CLPB: variants seen among roughly 807,000 people sequenced by gnomAD.
CLPB encodes ClpB family mitochondrial disaggregase, also known as mitochondrial disaggregase.
Under a neutral mutation model 78.4 loss-of-function variants are expected in CLPB, and 40 were observed. The ratio of observed to expected loss-of-function variants is 0.51; its 90% CI spans 0.40 to 0.66. The LOEUF (loss-of-function observed/expected upper bound fraction) is 0.66. Ranked by LOEUF, CLPB falls within the 30% of genes least tolerant of loss-of-function variation. The pLI, the probability that CLPB is intolerant of heterozygous loss-of-function variation, is 0.00. For missense variants in CLPB, 780 were observed against 886.9 expected, an observed-to-expected ratio of 0.88 and a Z score of 1.53; for synonymous variants, 333 against 348.0, an observed-to-expected ratio of 0.96 and a Z score of 0.48.
intron 2 of CLPB, among the ~76,000 whole-genome samples, chr11:72,408,471 T>C (rs1333297107): frequency 2.0e-5 from 3 of 151,816 alleles, no homozygotes; most frequent in Non-Finnish European, 4.4e-5. Flanking sequence ...ATCAAGACCA[T>C]CCTGGCTGAC....
intron 2 of CLPB, chr11:72,411,780 AATGACGC>A (rs1476906085): frequency 6.6e-6 from 1 of 152,198 alleles, no homozygotes; most frequent in African/African-American, 2.4e-5. Flanking sequence ...ACTGAACTTC[AATGACGC>A]ATTGTTCCAA....
At chr11:72,337,183 GGGAATAGAGCTCT>G (rs1950337536) in intron 5 of CLPB, 1 of 398,646 alleles carries the variant, frequency 2.5e-6, no homozygotes, top group African/African-American at 2.1e-5. Context: ...CAGAAGAACT[GGGAATAGAGCTCT>G]GGTCTTCTGA....
Position 72,379,589 on chromosome 11 carries a change from T to A in CLPB, c.646+692A>T, listed in dbSNP as rs553708981. ...TTGGACATTCAATCCCCAAGACTCA[T>A]CCCAGAGCCTCTTCATTCTGAAGTT... is the stretch of plus-strand genomic sequence containing the variant. On this transcript the variant is annotated intron_variant, in intron 4 of 15. Coordinates refer to ENST00000538039, the MANE Select transcript of CLPB (RefSeq NM_001258392.3). Among the ~76,000 whole-genome samples the A allele has an allele frequency of 2.0e-5, 3 of 152,170 alleles. No homozygotes were observed. In the South Asian group the frequency reaches 6.2e-4, roughly 32 times the overall value.
In CLPB at chr11:72,295,504, C is replaced by A. The variant is rs145040658; in HGVS notation, c.1474G>T (p.Ala492Ser). ...EALEMSRNRIAENLGDVQISD... is the reference protein window; with the variant it reads ...EALEMSRNRISENLGDVQISD... ...TCAGCCGCCATACCCAGGTTTTCGG[C>A]AATACGGTTACGGCTCATCTCCAAA... Residue 492 changes from alanine to serine, a missense_variant, in exon 12 of 16, where the codon GCC (alanine) becomes TCC (serine). Physicochemically the swap from Ala to Ser is moderately conservative, Grantham distance 99. Coordinates refer to ENST00000538039, the MANE Select transcript of CLPB (RefSeq NM_001258392.3). The A allele has an allele frequency of 2.2e-4, 355 of 1,614,116 alleles. 1 individual carries two copies. The African/African-American group carries it at 4.4e-3, about 20-fold the overall frequency.
intron 3 of CLPB, among the ~76,000 whole-genome samples, chr11:72,399,932 C>T (rs1353115484): frequency 6.6e-6 from 1 of 152,156 alleles, no homozygotes; most frequent in Non-Finnish European, 1.5e-5. Flanking sequence ...TATGCTAATC[C>T]TCCAAGACTA....
At chr11:72,308,457 G>C in intron 8 of CLPB, 70 bp downstream of exon 8, 1 of 1,382,504 alleles carries the variant, frequency 7.2e-7, no homozygotes, top group South Asian at 1.2e-5. Flanking sequence ...CGCAGCAGCT[G>C]GGGCTGTCAG....
In CLPB at chr11:72,430,340, G is replaced by T. The variant is rs777497295; in HGVS notation, c.427C>A (p.Arg143Ser). The change falls in exon 2 of 16, where the codon CGT becomes AGT. Residue 143 changes from arginine to serine, a missense_variant. Arg to Ser is a moderately radical substitution (Grantham distance 110, BLOSUM62 -1). Transcript: ENST00000538039. Reference sequence around the variant, plus strand: ...CTGACTTCTTGCATATTGTTGGCACGGGCAGCTTCCAACAGGGCTGCATCT... The same window carrying T: ...CTGACTTCTTGCATATTGTTGGCACTGGCAGCTTCCAACAGGGCTGCATCT... ...NKDAALLEAA[R>S]ANNMQEVSRL... is the part of the protein sequence containing the mutation. 6 of 1,613,100 alleles carry T rather than the reference G, an allele frequency of 3.7e-6. No homozygotes were observed. In the Admixed American group the frequency reaches 5.0e-5, roughly 13 times the overall value.
intron 11 of CLPB, among the ~76,000 whole-genome samples, chr11:72,297,702 T>TGTGTGTGTGTGTGTGTGTGAGA: frequency 7.7e-6 from 1 of 129,754 alleles, no homozygotes; most frequent in South Asian, 2.6e-4. Context: ...TGTGTGTGTG[T>TGTGTGTGTGTGTGTGTGTGAGA]GACATGTCCA....
intron 3 of CLPB, among the ~76,000 whole-genome samples, chr11:72,388,040 C>T (rs1012722272): frequency 8.5e-5 from 13 of 152,088 alleles, no homozygotes; most frequent in Middle Eastern, 3.2e-3. Flanking sequence ...GGCTGTAGGA[C>T]GTGTCCAAGC....
intron 6 of CLPB, among the ~76,000 whole-genome samples, chr11:72,318,141 A>G (rs1478247340): frequency 6.6e-6 from 1 of 152,272 alleles, no homozygotes; most frequent in Non-Finnish European, 1.5e-5. Context: ...GAGCTCCCCA[A>G]GGACAGGCCC....
At chr11:72,402,867 G>T (rs2135082858) in intron 3 of CLPB, 99 bp downstream of exon 3, 1 of 925,804 alleles carries the variant, frequency 1.1e-6, no homozygotes, top group Non-Finnish European at 1.7e-6. Flanking sequence ...CCTGCCTCTG[G>T]AAAAGACAGC....
At chr11:72,400,455 T>C (rs1251460943) in intron 3 of CLPB, among the ~76,000 whole-genome samples, 1 of 152,212 alleles carries the variant, frequency 6.6e-6, no homozygotes, top group Non-Finnish European at 1.5e-5. Context: ...CAACAACTCA[T>C]TAGATTCAAA....
intron 9 of CLPB, chr11:72,303,829 A>G (rs1257421822): frequency 6.6e-6 from 1 of 152,256 alleles, no homozygotes; most frequent in Non-Finnish European, 1.5e-5. Flanking sequence ...TGAGGTAAGC[A>G]CTACTATCAT....
intron 3 of CLPB, among the ~76,000 whole-genome samples, chr11:72,397,256 T>C (rs1855434427): frequency 1.3e-5 from 2 of 152,350 alleles, no homozygotes; most frequent in South Asian, 4.1e-4. Context: ...ATACCACAAT[T>C]TGTTGGTCCA....
At position 72,293,324 on chromosome 11, in the gene CLPB, C is replaced by T. The variant is rs757769460; in HGVS notation, c.*43G>A. 6.3e-7 allele frequency: 1 copy of T among 1,597,744 alleles called. No homozygotes were observed. Among genetic ancestry groups the T allele is most frequent in the South Asian group, 1.1e-5 (1 of 89,220 alleles). On this transcript the variant is annotated 3_prime_UTR_variant, in exon 16 of 16. Coordinates refer to ENST00000538039, the MANE Select transcript of CLPB (RefSeq NM_001258392.3). The stretch of plus-strand genomic sequence containing the variant: ...AGTTGCCATGCCACAGCCAAGGGGC[C>T]TTTATTGGATGGTGAGGGCACATAG...
chr11:72,309,421 C>T (rs988553868), intron 7 of CLPB, among the ~76,000 whole-genome samples: 19 of 152,242 alleles, frequency 1.2e-4, no homozygotes, highest in Non-Finnish European at 2.4e-4. Context: ...CTCAAGTATA[C>T]GAGTGGGGGT....
At chr11:72,354,222 T>C (rs1950664653) in intron 5 of CLPB, 3 of 385,806 alleles carry the variant, frequency 7.8e-6, no homozygotes, top group African/African-American at 2.1e-5. Flanking sequence ...TTGAAGCACA[T>C]ACAAAAAAAA....
At chr11:72,375,184 T>C (rs1460403364) in intron 4 of CLPB, among the ~76,000 whole-genome samples, 4 of 152,162 alleles carry the variant, frequency 2.6e-5, no homozygotes, top group Non-Finnish European at 4.4e-5. Context: ...AAGGAGTCCA[T>C]TATCCCTAAA....
Position 72,290,051 on chromosome 11 carries a change from T to C in CLPB, c.*3316A>G, listed in dbSNP as rs1289694614. On this transcript the variant is annotated 3_prime_UTR_variant, in exon 16 of 16. Transcript: ENST00000538039. Reference sequence around the variant, plus strand: ...AGTATATATTCTGTCCAGATCTTGGTTTCCAGTGGCATCAAGAAACAACTT... The same window carrying C: ...AGTATATATTCTGTCCAGATCTTGGCTTCCAGTGGCATCAAGAAACAACTT... The C allele has an allele frequency of 1.3e-5, 2 of 152,220 alleles. No individual in the cohort carries two copies. The highest frequency in any genetic ancestry group is 2.9e-5 in the Non-Finnish European group (2 of 68,038). 9.4% of individuals were successfully genotyped at this position (152,220 alleles called of 1,614,324 possible). A position where few individuals can be genotyped will look rare whatever the true frequency, so the allele number is the denominator to read the frequency against.
Sources: allele counts gnomAD v4.1 joint callset (sites outside exome capture counted in the v4.1 genomes callset), GRCh38; gene constraint gnomAD v4.1.1; transcripts MANE v1.5; gene names NCBI Gene and HGNC (gene_info 2026-07-23, HGNC 2026-07-21).